The following BAZ2B variants were observed in gnomAD, a reference collection of about 807,000 sequenced individuals.
The protein encoded by BAZ2B is bromodomain adjacent to zinc finger domain protein 2B.
A neutral mutation model predicts 246.0 loss-of-function variants in BAZ2B; 91 were observed. That is an observed-to-expected ratio of 0.37 (90% CI 0.31 to 0.44). The LOEUF (loss-of-function observed/expected upper bound fraction) is 0.44, where lower values mean the gene tolerates loss of function less well. BAZ2B is among the 20% of genes least tolerant of loss of function. The pLI is 1.00. For missense variants in BAZ2B, 2,332 were observed against 2,533.7 expected (o/e 0.92, Z 1.71); for synonymous variants, 855 against 860.0 (o/e 0.99, Z 0.10).
chr2:159,568,415 G>C (rs1324724615), intron 1 of BAZ2B, among the ~76,000 whole-genome samples: 1 of 151,920 alleles, frequency 6.6e-6, no homozygotes, highest in Non-Finnish European at 1.5e-5. Context: ...ACTGGATTAA[G>C]GCATGCAACA....
At chr2:159,420,407 A>G (rs569163727) in intron 13 of BAZ2B, among the ~76,000 whole-genome samples, 42 of 152,334 alleles carry the variant, frequency 2.8e-4, no homozygotes, top group African/African-American at 9.6e-4. Flanking sequence ...TCTAAATGCA[A>G]CATCTCGAAG....
intron 2 of BAZ2B, among the ~76,000 whole-genome samples, chr2:159,549,421 C>T (rs1454064338): frequency 6.6e-6 from 1 of 152,184 alleles, no homozygotes; most frequent in South Asian, 2.1e-4. Flanking sequence ...ACGTGTCTCA[C>T]TCCTCTGCAA....
At chr2:159,430,508 G>A (rs552121661) in intron 10 of BAZ2B, among the ~76,000 whole-genome samples, 15 of 152,284 alleles carry the variant, frequency 9.9e-5, no homozygotes, top group African/African-American at 3.6e-4. Context: ...ATTTTCGATT[G>A]TGTGTGGGGC....
At chr2:159,666,274 T>G in the BAZ2B span, among the ~76,000 whole-genome samples, 1 of 149,606 alleles carries the variant, frequency 6.7e-6, no homozygotes, top group African/African-American at 2.5e-5. Context: ...TTTTTTTTTT[T>G]TTTGAGACAG....
downstream of BAZ2B, among the ~76,000 whole-genome samples, chr2:159,318,692 G>A (rs1384669521): frequency 6.6e-6 from 1 of 152,114 alleles, no homozygotes; most frequent in African/African-American, 2.4e-5. Context: ...TACCCATAGA[G>A]GCATTTTTCA....
intron 27 of BAZ2B, among the ~76,000 whole-genome samples, chr2:159,352,486 CTTT>C (rs111657452): frequency 1.4e-5 from 2 of 143,344 alleles, no homozygotes; most frequent in African/African-American, 5.1e-5. Flanking sequence ...ATGTCTATAT[CTTT>C]TTTTTTTTTT....
At chr2:159,327,051 C>T (rs1052384060) in intron 34 of BAZ2B, among the ~76,000 whole-genome samples, 2 of 89,012 alleles carry the variant, frequency 2.2e-5, no homozygotes, top group African/African-American at 7.0e-5. Flanking sequence ...AAGTTGGCTG[C>T]AATCTTTTTT....
intron 3 of BAZ2B, among the ~76,000 whole-genome samples, chr2:159,465,983 A>G (rs2076994639): frequency 6.6e-6 from 1 of 152,212 alleles, no homozygotes; most frequent in African/African-American, 2.4e-5. Context: ...ACATCAACTA[A>G]AAGAGAAAAT....
intron 36 of BAZ2B, among the ~76,000 whole-genome samples, chr2:159,321,223 C>G (rs953909991): frequency 2.6e-5 from 4 of 152,196 alleles, no homozygotes; most frequent in Non-Finnish European, 4.4e-5. Flanking sequence ...TAAAAGATAG[C>G]TTTTAGAAAT....
At chr2:159,622,455 A>T in the BAZ2B span, among the ~76,000 whole-genome samples, 1 of 152,184 alleles carries the variant, frequency 6.6e-6, no homozygotes, top group Admixed American at 6.5e-5. Flanking sequence ...TAGAGCCTAA[A>T]GAAAACTTTC....
rs377425173 is a variant in BAZ2B at position 159,465,434 on chromosome 2, T to C, written c.146-11633A>G. On this transcript the variant is annotated intron_variant, in intron 3 of 36. Transcript: ENST00000392783. ...GAGGGGGAGGATACAATTTAACCTA[T>C]AGTATTTGCTTTATTTTTAAGAGAA... 9.1e-4 allele frequency among the ~76,000 whole-genome samples: 138 copies of C among 152,368 alleles called. 2 individuals carry two copies. The South Asian group carries it at 0.028, about 31-fold the overall frequency.
At chr2:159,493,034 T>C (rs1268395058) in intron 2 of BAZ2B, among the ~76,000 whole-genome samples, 1 of 152,172 alleles carries the variant, frequency 6.6e-6, no homozygotes, top group Non-Finnish European at 1.5e-5. Flanking sequence ...AACTAAAATA[T>C]CTAAAAGTCA....
At position 159,430,875 on chromosome 2, in the gene BAZ2B, T is replaced by C; in HGVS notation, c.2182A>G (p.Ser728Gly). Reference protein sequence around the residue: ...LGTSSSTLTSSPHSGTSKRRR... With the variant: ...LGTSSSTLTSGPHSGTSKRRR... The stretch of plus-strand genomic sequence containing the variant: ...AAAGTGTAGGTACCAGAGTGTGGGC[T>C]TGAAGTAAGTGTGGAAGAAGATGTA... The change falls in exon 10 of 37, where the codon AGC becomes GGC. Residue 728 changes from serine to glycine, a missense_variant. Transcript: ENST00000392783. 6.2e-7 allele frequency: 1 copy of C among 1,613,590 alleles called. No homozygotes were observed. Among genetic ancestry groups the C allele is most frequent in the South Asian group, 1.1e-5 (1 of 90,984 alleles).
At chr2:159,515,950 T>A (rs750484377) in intron 2 of BAZ2B, among the ~76,000 whole-genome samples, 2 of 152,106 alleles carry the variant, frequency 1.3e-5, no homozygotes, top group Non-Finnish European at 2.9e-5. Flanking sequence ...AAGTTATTTT[T>A]AAAATTTTGT....
chr2:159,493,250 AAATT>A (rs2080700261), intron 2 of BAZ2B, among the ~76,000 whole-genome samples: 2 of 152,248 alleles, frequency 1.3e-5, no homozygotes, highest in Admixed American at 1.3e-4. Context: ...AATTACATTT[AAATT>A]AATTAAAATT....
At chr2:159,700,298 G>A in the BAZ2B span, among the ~76,000 whole-genome samples, 39 of 152,246 alleles carry the variant, frequency 2.6e-4, no homozygotes, top group African/African-American at 8.7e-4. Flanking sequence ...ATAAAAAGGT[G>A]TACTATTTGC....
the BAZ2B span, among the ~76,000 whole-genome samples, chr2:159,658,399 T>A: frequency 6.6e-6 from 1 of 152,206 alleles, no homozygotes; most frequent in Non-Finnish European, 1.5e-5. Flanking sequence ...AGTGGCACAG[T>A]CATGGTTCAC....
rs1253726847 is a variant in BAZ2B, at chr2:159,332,693, T to C, written c.5797-7A>G. The C allele has an allele frequency of 3.7e-6, 6 of 1,612,616 alleles. No individual in the cohort carries two copies. Among genetic ancestry groups the C allele is most frequent in the Non-Finnish European group, 5.1e-6 (6 of 1,179,414 alleles). Reference sequence around the variant, plus strand: ...TTCGACAGATTTGGCAGTACTATAATACATGAAAAATCATTTAAAATTAAC... The same window carrying C: ...TTCGACAGATTTGGCAGTACTATAACACATGAAAAATCATTTAAAATTAAC... On this transcript the variant is annotated splice_polypyrimidine_tract_variant and splice_region_variant and intron_variant, in intron 33 of 36. Transcript: ENST00000392783.
chr2:159,455,767 T>TTTG (rs1489077103), intron 3 of BAZ2B, among the ~76,000 whole-genome samples: 1 of 141,540 alleles, frequency 7.1e-6, no homozygotes, highest in Non-Finnish European at 1.6e-5. Context: ...ATTGTGGTTT[T>TTTG]TTTTTTTTTT....
Sources: allele counts gnomAD v4.1 joint callset (sites outside exome capture counted in the v4.1 genomes callset), GRCh38; gene constraint gnomAD v4.1.1; transcripts MANE v1.5; gene names NCBI Gene and HGNC (gene_info 2026-07-23, HGNC 2026-07-21).